Variants in FHIT observed in about 807,000 individuals in gnomAD.
The protein encoded by FHIT is bis(5'-adenosyl)-triphosphatase.
A neutral mutation model predicts 17.9 loss-of-function variants in FHIT; 19 were observed. The observed-to-expected ratio is 1.06, with a 90% CI of 0.74 to 1.56. The LOEUF is 1.56. Among genes scored for constraint, FHIT ranks in the 40% most tolerant of loss-of-function variants. FHIT has a pLI of 0.00. For missense variants in FHIT, 248 were observed against 189.2 expected (o/e 1.31, Z -1.82); for synonymous variants, 81 against 69.7 (o/e 1.16, Z -0.81).
chr3:60,211,091 G>GGAA (rs1703432042), intron 5 of FHIT, among the ~76,000 whole-genome samples: 1 of 139,510 alleles, frequency 7.2e-6, no homozygotes, highest in Non-Finnish European at 1.5e-5. Context: ...AAAAAAAGAA[G>GGAA]AGGAGGAAGA....
At chr3:60,888,116 G>C (rs2107159601) in intron 3 of FHIT, among the ~76,000 whole-genome samples, 2 of 152,260 alleles carry the variant, frequency 1.3e-5, no homozygotes, top group African/African-American at 4.8e-5. Flanking sequence ...AACACTCCAA[G>C]AACTGTGAAC....
At chr3:60,880,036 A>C (rs1308611345) in intron 3 of FHIT, among the ~76,000 whole-genome samples, 2 of 152,126 alleles carry the variant, frequency 1.3e-5, no homozygotes, top group South Asian at 2.1e-4. Flanking sequence ...GATCCAGGAA[A>C]CTCAAAGGTT....
At chr3:60,202,276 C>T (rs761180513) in intron 5 of FHIT, among the ~76,000 whole-genome samples, 5 of 152,166 alleles carry the variant, frequency 3.3e-5, no homozygotes, top group African/African-American at 4.8e-5. Context: ...TAGTAGCACT[C>T]GTTTCTGATT....
At chr3:60,078,687 T>A (rs1703141350) in intron 5 of FHIT, among the ~76,000 whole-genome samples, 1 of 152,176 alleles carries the variant, frequency 6.6e-6, no homozygotes, top group African/African-American at 2.4e-5. Context: ...AGAAAATGTC[T>A]TGTTTAAATA....
intron 5 of FHIT, among the ~76,000 whole-genome samples, chr3:60,147,290 C>A (rs1338576335): frequency 1.3e-5 from 2 of 152,124 alleles, no homozygotes; most frequent in Non-Finnish European, 2.9e-5. Flanking sequence ...CACCTACAAA[C>A]CGAGTATGAG....
At chr3:60,752,800 G>A (rs2042495679) in intron 4 of FHIT, among the ~76,000 whole-genome samples, 1 of 152,110 alleles carries the variant, frequency 6.6e-6, no homozygotes, top group African/African-American at 2.4e-5. Context: ...AGAGAAAGAT[G>A]CCAAAACAGA....
chr3:60,070,699 G>T (rs774645179), intron 5 of FHIT, among the ~76,000 whole-genome samples: 2 of 152,148 alleles, frequency 1.3e-5, no homozygotes, highest in Non-Finnish European at 1.5e-5. Context: ...TGCAGACTGC[G>T]AGGCAGGGTG....
intron 7 of FHIT, among the ~76,000 whole-genome samples, chr3:59,994,635 A>G (rs1254629427): frequency 2.0e-5 from 3 of 152,050 alleles, no homozygotes; most frequent in African/African-American, 7.2e-5. Context: ...AACAAATCCC[A>G]GGGAAGAAAT....
At chr3:60,126,906 T>A (rs1271585661) in intron 5 of FHIT, among the ~76,000 whole-genome samples, 5 of 152,172 alleles carry the variant, frequency 3.3e-5, no homozygotes, top group Non-Finnish European at 7.3e-5. Context: ...TTTGAGCTAA[T>A]ACCTGCAGGG....
intron 1 of FHIT, among the ~76,000 whole-genome samples, chr3:61,210,510 C>T (rs911561842): frequency 2.7e-4 from 41 of 152,330 alleles, no homozygotes; most frequent in African/African-American, 5.5e-4. Flanking sequence ...CAATGGCAGG[C>T]GCCCCTCCCC....
chr3:61,136,150 C>T (rs1261278122), intron 2 of FHIT, among the ~76,000 whole-genome samples: 1 of 152,084 alleles, frequency 6.6e-6, no homozygotes, highest in East Asian at 1.9e-4. Context: ...GATCATATCC[C>T]ATATCCCCAG....
chr3:60,408,380 C>T (rs1171412778), intron 5 of FHIT, among the ~76,000 whole-genome samples: 1 of 152,122 alleles, frequency 6.6e-6, no homozygotes, highest in East Asian at 1.9e-4. Context: ...TATCCGGCAT[C>T]CACTAGGACA....
intron 5 of FHIT, among the ~76,000 whole-genome samples, chr3:60,407,961 A>G (rs1012391350): frequency 2.0e-5 from 3 of 152,328 alleles, no homozygotes; most frequent in Admixed American, 2.0e-4. Context: ...TAAAGCCACT[A>G]ACAGAGAAAG....
chr3:59,752,601 A>T (rs1700979332), intron 8 of FHIT, among the ~76,000 whole-genome samples: 1 of 152,160 alleles, frequency 6.6e-6, no homozygotes, highest in Admixed American at 6.5e-5. Context: ...ATGTCAAATT[A>T]GAATCCCCAG....
chr3:60,099,756 T>C (rs1370848294), intron 5 of FHIT, among the ~76,000 whole-genome samples: 1 of 152,184 alleles, frequency 6.6e-6, no homozygotes, highest in Non-Finnish European at 1.5e-5. Context: ...ACTGGGAGTA[T>C]TAAATGCATT....
intron 5 of FHIT, among the ~76,000 whole-genome samples, chr3:60,185,142 T>C (rs1041337793): frequency 6.6e-6 from 1 of 152,184 alleles, no homozygotes; most frequent in Non-Finnish European, 1.5e-5. Context: ...TAGGTGTATT[T>C]GTTGCTCCCA....
At chr3:60,876,292 G>A (rs968236071) in intron 3 of FHIT, among the ~76,000 whole-genome samples, 6 of 152,188 alleles carry the variant, frequency 3.9e-5, no homozygotes, top group Non-Finnish European at 7.4e-5. Context: ...ATGTTTAAGA[G>A]GATTTATCAT....
intron 7 of FHIT, among the ~76,000 whole-genome samples, chr3:60,009,153 C>T (rs1339059294): frequency 7.3e-6 from 1 of 137,402 alleles, no homozygotes; most frequent in African/African-American, 2.7e-5. Flanking sequence ...CTTCATTGTT[C>T]TCTGGGATTT....
At chr3:60,132,101 G>T (rs756072888) in intron 5 of FHIT, among the ~76,000 whole-genome samples, 6 of 152,092 alleles carry the variant, frequency 3.9e-5, no homozygotes, top group Non-Finnish European at 5.9e-5. Flanking sequence ...CATCTTTCAG[G>T]CTGAGACAGA....
Sources: allele counts gnomAD v4.1 joint callset (sites outside exome capture counted in the v4.1 genomes callset), GRCh38; gene constraint gnomAD v4.1.1; transcripts MANE v1.5; gene names NCBI Gene and HGNC (gene_info 2026-07-23, HGNC 2026-07-21).